Variants in PSD3 observed in about 807,000 individuals in gnomAD.
PSD3 encodes pleckstrin and Sec7 domain containing 3, also known as PH and SEC7 domain-containing protein 3.
Under a neutral mutation model 105.5 loss-of-function variants are expected in PSD3, and 49 were observed. The ratio of observed to expected loss-of-function variants is 0.46; its 90% confidence interval spans 0.37 to 0.59. PSD3 has a LOEUF of 0.59. PSD3 is among the 20% of genes least tolerant of loss of function. PSD3 has a pLI of 0.00. For synonymous variants in PSD3, 557 were observed against 457.8 expected, an observed-to-expected ratio of 1.22 and a Z score of -2.77; for missense variants, 1,561 against 1,263.8, an observed-to-expected ratio of 1.24 and a Z score of -3.57.
Position 18,532,638 on chromosome 8 carries a change from AG to A in PSD3, c.*3104del, listed in dbSNP as rs1293373232. 3 of 152,218 alleles carry A rather than the reference AG, an allele frequency of 2.0e-5. No homozygotes were observed. The highest frequency in any genetic ancestry group is 2.4e-5 in the African/African-American group (1 of 41,454). The allele number at this position is 152,218 out of a possible 1,614,324, so 9.4% of individuals were successfully genotyped here. A position where few individuals can be genotyped will look rare whatever the true frequency, so the allele number is the denominator to read the frequency against. The stretch of plus-strand genomic sequence containing the variant: ...CTCAGTTTAATTAGACACTGCTGAG[AG>A]TTAGCAAAATGATGTTTCAAAAAAG... On this transcript the variant is annotated 3_prime_UTR_variant, in exon 16 of 16. Coordinates refer to ENST00000327040, the MANE Select transcript of PSD3 (RefSeq NM_015310.4).
chr8:18,535,974 G>A lies in PSD3; in HGVS notation c.2929-16C>T, dbSNP rs1157051190. ...AGCGGGTTTTCTGAAGGCAAAGCCA[G>A]AGAACAACGGTAGTCAGAAAACTGT... is the stretch of plus-strand genomic sequence containing the variant. On this transcript the variant is annotated splice_polypyrimidine_tract_variant and intron_variant, in intron 15 of 15. Transcript: ENST00000327040. 2 of 1,606,360 alleles carry A rather than the reference G, an allele frequency of 1.2e-6. No homozygotes were observed. Among genetic ancestry groups the A allele is most frequent in the Non-Finnish European group, 1.7e-6 (2 of 1,173,604 alleles).
chr8:18,656,015 CT>C (rs1335436720), intron 9 of PSD3, among the ~76,000 whole-genome samples: 1 of 152,118 alleles, frequency 6.6e-6, no homozygotes, highest in African/African-American at 2.4e-5. Context: ...AAAATATGGT[CT>C]TGTAGTTTCA....
intron 9 of PSD3, among the ~76,000 whole-genome samples, chr8:18,740,526 G>C (rs894608920): frequency 5.9e-5 from 9 of 152,168 alleles, no homozygotes; most frequent in Non-Finnish European, 1.0e-4. Flanking sequence ...TTGGCAGAGA[G>C]AGTCTGAGTG....
At chr8:18,674,067 G>A (rs78221610) in intron 9 of PSD3, among the ~76,000 whole-genome samples, 7,309 of 152,084 alleles carry the variant, frequency 0.048, 491 homozygotes, top group African/African-American at 0.15. Context: ...GATTCCTTGA[G>A]CCCAGGAAGT....
At chr8:18,757,842 C>T (rs978240195) in intron 9 of PSD3, among the ~76,000 whole-genome samples, 1 of 152,102 alleles carries the variant, frequency 6.6e-6, no homozygotes, top group South Asian at 2.1e-4. Context: ...GTTTTTAATA[C>T]TGTTATATAG....
At chr8:19,014,537 C>G (rs866483089), upstream of PSD3, 3 of 152,354 alleles carry the variant, frequency 2.0e-5, no homozygotes, top group African/African-American at 7.2e-5. The surrounding 1 kb of genome is among the most constrained non-coding windows in gnomAD (Gnocchi z 4.9). Context: ...GGAGAGACCG[C>G]AAATCTTTCC....
At chr8:18,985,955 C>A (rs1375279017) in intron 1 of PSD3, among the ~76,000 whole-genome samples, 5 of 151,934 alleles carry the variant, frequency 3.3e-5, no homozygotes. Flanking sequence ...TCCTACCTCA[C>A]TTTGTTACTC....
Position 18,916,928 on chromosome 8 carries a change from T to C in PSD3, c.130+19106A>G, listed in dbSNP as rs1209444591. On this transcript the variant is annotated intron_variant, in intron 2 of 15. Transcript: ENST00000327040. ...AGGGAGAGAAGTCTTTAACATTTCT[T>C]TTTAAATAATATAAAATCTCTTCCC... Among the ~76,000 whole-genome samples the C allele has an allele frequency of 2.6e-5, 4 of 152,136 alleles. No individual in the cohort carries two copies. The South Asian group carries it at 8.3e-4, about 32-fold the overall frequency.
At chr8:19,069,881 T>C (rs749838991) in intron 1 of PSD3, among the ~76,000 whole-genome samples, 3 of 152,162 alleles carry the variant, frequency 2.0e-5, no homozygotes, top group Non-Finnish European at 4.4e-5. Context: ...CTCCCCAATA[T>C]TGCTATTTTT....
At chr8:18,971,863 G>A (rs970752189) in intron 1 of PSD3, among the ~76,000 whole-genome samples, 1 of 152,012 alleles carries the variant, frequency 6.6e-6, no homozygotes, top group Non-Finnish European at 1.5e-5. Flanking sequence ...AAATTAGCTG[G>A]GCATGGTGGC....
intron 1 of PSD3, among the ~76,000 whole-genome samples, chr8:18,971,940 G>A (rs901067761): frequency 2.6e-5 from 4 of 152,074 alleles, no homozygotes; most frequent in Admixed American, 1.3e-4. Flanking sequence ...GGGAGGCAGA[G>A]GTTGCAGTGA....
chr8:19,033,565 G>GT (rs71545540), intron 1 of PSD3, among the ~76,000 whole-genome samples: 149 of 144,896 alleles, frequency 1.0e-3, no homozygotes, highest in East Asian at 6.5e-3. Context: ...TTTAAAATCT[G>GT]TTTTTTTTTC....
intron 4 of PSD3, among the ~76,000 whole-genome samples, chr8:18,824,021 C>G (rs1164084673): frequency 6.6e-6 from 1 of 151,928 alleles, no homozygotes; most frequent in Non-Finnish European, 1.5e-5. Context: ...CTAAATAAAA[C>G]AAATTTCCAG....
At chr8:19,010,341 A>T (rs1826894668) in intron 1 of PSD3, among the ~76,000 whole-genome samples, 1 of 151,926 alleles carries the variant, frequency 6.6e-6, no homozygotes, top group Admixed American at 6.6e-5. Flanking sequence ...AAGTTTGTTG[A>T]CCTTCTGGGC....
chr8:18,776,964 C>T (rs1237895132), intron 8 of PSD3, among the ~76,000 whole-genome samples: 3 of 152,044 alleles, frequency 2.0e-5, no homozygotes, highest in African/African-American at 7.2e-5. Flanking sequence ...TCTGCGGTAT[C>T]AGTAGTTATG....
intron 1 of PSD3, among the ~76,000 whole-genome samples, chr8:19,059,782 T>C (rs180991837): frequency 3.0e-4 from 46 of 152,328 alleles, no homozygotes; most frequent in African/African-American, 1.0e-3. Context: ...GTTCATGGCC[T>C]TTCTCTTGGA....
In PSD3 at chr8:18,533,887, C is replaced by T. The variant is rs966801946; in HGVS notation, c.*1856G>A. 2.0e-5 allele frequency: 3 copies of T among 150,894 alleles called. No homozygotes were observed. The highest frequency in any genetic ancestry group is 7.3e-5 in the African/African-American group (3 of 41,160). 9.3% of individuals were successfully genotyped at this position (150,894 alleles called of 1,614,324 possible). A position where few individuals can be genotyped will look rare whatever the true frequency, so the allele number is the denominator to read the frequency against. On this transcript the variant is annotated 3_prime_UTR_variant, in exon 16 of 16. Coordinates refer to ENST00000327040, the MANE Select transcript of PSD3 (RefSeq NM_015310.4). ...TTCTGAAACATAAACTTAGTTACTG[C>T]CTTTACCCAAACAAGGCAGAGAGTT...
chr8:18,907,001 GAATAAGAA>G (rs1470704663), intron 2 of PSD3, among the ~76,000 whole-genome samples: 1 of 152,040 alleles, frequency 6.6e-6, no homozygotes, highest in Non-Finnish European at 1.5e-5. Flanking sequence ...AAAGCTTATA[GAATAAGAA>G]AATAAGGAAA....
At chr8:18,765,912 G>A (rs563869023) in intron 8 of PSD3, among the ~76,000 whole-genome samples, 2 of 151,240 alleles carry the variant, frequency 1.3e-5, no homozygotes, top group Non-Finnish European at 2.9e-5. Context: ...AGGTTGCAGC[G>A]AGCGGAGATG....
Sources: gnomAD v4.1 joint callset for allele counts (sites outside exome capture counted in the v4.1 genomes callset) on GRCh38, gnomAD v4.1.1 for gene constraint, Gnocchi (gnomAD v3.1) non-coding constraint, MANE v1.5 for transcripts, NCBI Gene and HGNC (gene_info 2026-07-23, HGNC 2026-07-21) for gene names.